GRIA1: variants seen among roughly 807,000 people sequenced by gnomAD.
The protein encoded by GRIA1 is glutamate receptor 1.
A neutral mutation model predicts 99.2 loss-of-function variants in GRIA1; 31 were observed. The ratio of observed to expected loss-of-function variants is 0.31; its 90% CI spans 0.23 to 0.42. The LOEUF (loss-of-function observed/expected upper bound fraction) is 0.42, where lower values mean the gene tolerates loss of function less well. Among genes scored for constraint, GRIA1 ranks in the 10% least tolerant of loss-of-function variants. The pLI, the probability that GRIA1 is intolerant of heterozygous loss-of-function variation, is 1.00. For synonymous variants in GRIA1, 438 were observed against 432.4 expected (o/e 1.01, Z -0.16); for missense variants, 782 against 1,157.5 (o/e 0.68, Z 4.71).
intron 13 of GRIA1, among the ~76,000 whole-genome samples, chr5:153,792,468 T>C (rs1200397102): frequency 6.6e-6 from 1 of 152,212 alleles, no homozygotes; most frequent in Non-Finnish European, 1.5e-5. Context: ...TCCCTTGCTG[T>C]GCCCAGTTCC....
chr5:153,658,051 C>A (rs2149467350), intron 5 of GRIA1, among the ~76,000 whole-genome samples: 1 of 152,186 alleles, frequency 6.6e-6, no homozygotes, highest in South Asian at 2.1e-4. Context: ...AAACAACCAG[C>A]AAAGGGGTGT....
chr5:153,569,976 G>A (rs760567869), intron 2 of GRIA1, among the ~76,000 whole-genome samples: 8 of 152,056 alleles, frequency 5.3e-5, no homozygotes, highest in South Asian at 2.1e-4. Context: ...GTTACTATTC[G>A]GTTAATAGGC....
intron 10 of GRIA1, among the ~76,000 whole-genome samples, chr5:153,701,618 T>TTAAAAAAAAA (rs1758524943): frequency 8.4e-5 from 1 of 11,856 alleles, no homozygotes; most frequent in African/African-American, 3.5e-4. Context: ...GAGACCCGTC[T>TTAAAAAAAAA]CAAAAAAAAA....
intron 11 of GRIA1, among the ~76,000 whole-genome samples, chr5:153,746,154 A>C (rs1762141824): frequency 6.6e-6 from 1 of 150,454 alleles, no homozygotes; most frequent in Non-Finnish European, 1.5e-5. Context: ...AATTCTCTTT[A>C]CTGCCTCGGA....
chr5:153,730,517 A>G (rs1760928742), intron 11 of GRIA1, among the ~76,000 whole-genome samples: 1 of 152,164 alleles, frequency 6.6e-6, no homozygotes, highest in Non-Finnish European at 1.5e-5. Flanking sequence ...CTGATGAAGT[A>G]AACAAGGCCT....
intron 2 of GRIA1, among the ~76,000 whole-genome samples, chr5:153,586,534 T>G (rs1256233134): frequency 6.6e-6 from 1 of 152,180 alleles, no homozygotes; most frequent in Non-Finnish European, 1.5e-5. Flanking sequence ...ACAAAGTCAC[T>G]CCTCTTGAAG....
At chr5:153,734,454 A>C (rs576413398) in intron 11 of GRIA1, among the ~76,000 whole-genome samples, 24 of 152,330 alleles carry the variant, frequency 1.6e-4, no homozygotes, top group African/African-American at 5.1e-4. Flanking sequence ...TGGAGGTGGG[A>C]GTATCACATG....
intron 12 of GRIA1, among the ~76,000 whole-genome samples, chr5:153,766,935 T>A (rs1453354150): frequency 6.6e-6 from 1 of 152,244 alleles, no homozygotes; most frequent in Non-Finnish European, 1.5e-5. Context: ...CTACAAGTTC[T>A]GTGCCCAGGC....
At chr5:153,687,623 A>T (rs993983903) in intron 8 of GRIA1, among the ~76,000 whole-genome samples, 1 of 152,192 alleles carries the variant, frequency 6.6e-6, no homozygotes, top group African/African-American at 2.4e-5. Flanking sequence ...TCTACATGTC[A>T]AGTGCTCAGT....
intron 2 of GRIA1, among the ~76,000 whole-genome samples, chr5:153,542,244 A>G (rs1355617665): frequency 6.6e-6 from 1 of 152,206 alleles, no homozygotes; most frequent in Non-Finnish European, 1.5e-5. Flanking sequence ...CTCATTGTCT[A>G]TAACACCAAG....
At chr5:153,631,133 G>C (rs1752933690) in intron 2 of GRIA1, among the ~76,000 whole-genome samples, 1 of 152,228 alleles carries the variant, frequency 6.6e-6, no homozygotes, top group Non-Finnish European at 1.5e-5. Flanking sequence ...GATATGCTGA[G>C]AAATGAGAAA....
In GRIA1 at chr5:153,811,118, A is replaced by G. The variant is rs1196820248; in HGVS notation, c.2614A>G (p.Ser872Gly). 1 of 1,613,970 alleles carries G rather than the reference A, an allele frequency of 6.2e-7. No homozygotes were observed. The highest frequency in any genetic ancestry group is 8.5e-7 in the Non-Finnish European group (1 of 1,179,940). Residue 872 changes from serine to glycine, a missense_variant, in exon 16 of 16, where the codon AGT becomes GGT. This residue lies in a region of GRIA1 where 76 missense variants were observed against 81.2 expected (regional missense o/e 0.94). Transcript: ENST00000285900. ...NSGAGASSGG[S>G]GENGRVVSHD... ...CGGGGCAGGAGCCAGCAGCGGCGGCAGTGGAGAGAATGGTCGGGTGGTCAG... is the reference window on the plus strand; with the variant it reads ...CGGGGCAGGAGCCAGCAGCGGCGGCGGTGGAGAGAATGGTCGGGTGGTCAG...
intron 2 of GRIA1, among the ~76,000 whole-genome samples, chr5:153,513,005 C>T (rs1017567181): frequency 1.3e-5 from 2 of 152,164 alleles, no homozygotes; most frequent in African/African-American, 4.8e-5. Flanking sequence ...AGATGGCGGC[C>T]ATTGGCAAGT....
intron 2 of GRIA1, among the ~76,000 whole-genome samples, chr5:153,547,093 C>T (rs1437287065): frequency 4.6e-5 from 7 of 152,138 alleles, no homozygotes; most frequent in South Asian, 2.1e-4. Context: ...GGCCTCAGGC[C>T]GCATGCAGCC....
intron 2 of GRIA1, among the ~76,000 whole-genome samples, chr5:153,531,322 C>T (rs992134537): frequency 2.6e-5 from 4 of 152,150 alleles, no homozygotes; most frequent in South Asian, 2.1e-4. Flanking sequence ...GACCATGGGC[C>T]TTCCTGGGGA....
intron 2 of GRIA1, among the ~76,000 whole-genome samples, chr5:153,606,440 C>T (rs1292419048): frequency 2.6e-5 from 4 of 152,018 alleles, no homozygotes; most frequent in Non-Finnish European, 5.9e-5. Flanking sequence ...CAAATAAAAC[C>T]TACAGAAATT....
chr5:153,665,969 T>C (rs1447650319), intron 5 of GRIA1, among the ~76,000 whole-genome samples: 1 of 152,184 alleles, frequency 6.6e-6, no homozygotes, highest in African/African-American at 2.4e-5. Context: ...GCTATACAGG[T>C]TGAGATAATT....
chr5:153,722,750 A>T (rs1245768781), intron 11 of GRIA1, among the ~76,000 whole-genome samples: 2 of 152,210 alleles, frequency 1.3e-5, no homozygotes, highest in South Asian at 4.1e-4. Context: ...TGGAAGCTGG[A>T]TGATCCCATG....
intron 2 of GRIA1, among the ~76,000 whole-genome samples, chr5:153,512,475 C>T (rs59893373): frequency 0.011 from 1,723 of 152,238 alleles, 29 homozygotes; most frequent in African/African-American, 0.03. Context: ...TTCTATGGCC[C>T]AAGAGGCCAA....
Sources: allele counts gnomAD v4.1 joint callset (sites outside exome capture counted in the v4.1 genomes callset), GRCh38; gene constraint gnomAD v4.1.1; regional missense constraint gnomAD v4.1.1; transcripts MANE v1.5; gene names NCBI Gene and HGNC (gene_info 2026-07-23, HGNC 2026-07-21).